Variants in EYS observed in about 807,000 individuals in gnomAD.
The protein encoded by EYS is protein eyes shut homolog.
In EYS, 250 loss-of-function variants were observed where a neutral mutation model predicts 282.1. The observed-to-expected ratio is 0.89, with a 90% confidence interval of 0.80 to 0.98. The LOEUF (loss-of-function observed/expected upper bound fraction) is 0.98. EYS is among the 50% of genes least tolerant of loss of function. EYS has a pLI of 0.00. For synonymous variants in EYS, 1,355 were observed against 1,282.9 expected (o/e 1.06, Z -1.20); for missense variants, 4,016 against 3,709.0 (o/e 1.08, Z -2.15).
At chr6:65,247,845 TA>T (rs1767219021) in intron 12 of EYS, among the ~76,000 whole-genome samples, 1 of 152,040 alleles carries the variant, frequency 6.6e-6, no homozygotes, top group Non-Finnish European at 1.5e-5. Context: ...GGAAAGAAAA[TA>T]ATTCAAAATA....
intron 40 of EYS, among the ~76,000 whole-genome samples, chr6:63,772,531 A>T (rs993590614): frequency 1.3e-5 from 2 of 152,126 alleles, no homozygotes; most frequent in African/African-American, 4.8e-5. Context: ...CACTAACATC[A>T]AGACTACAGG....
intron 16 of EYS, among the ~76,000 whole-genome samples, chr6:64,911,029 T>G (rs1199875315): frequency 6.6e-6 from 1 of 152,034 alleles, no homozygotes; most frequent in Non-Finnish European, 1.5e-5. Flanking sequence ...AATAATAATA[T>G]GTTTCTTACA....
At chr6:63,810,285 C>A (rs1235996917) in intron 36 of EYS, among the ~76,000 whole-genome samples, 21 of 146,812 alleles carry the variant, frequency 1.4e-4, no homozygotes, top group East Asian at 4.0e-4. Flanking sequence ...AACAAAAAAC[C>A]AAAACAAAGA....
At chr6:65,225,453 C>T (rs564716595) in intron 12 of EYS, among the ~76,000 whole-genome samples, 6 of 151,980 alleles carry the variant, frequency 3.9e-5, no homozygotes, top group Admixed American at 1.3e-4. Context: ...CGGTGGCTCA[C>T]GCCTGTAATC....
intron 26 of EYS, among the ~76,000 whole-genome samples, chr6:64,547,208 C>T (rs140065361): frequency 0.016 from 2,425 of 152,190 alleles, 61 homozygotes; most frequent in African/African-American, 0.057. Context: ...AACAAAGCTT[C>T]CACAGTGTGG....
At chr6:63,753,140 GTATATATATA>G (rs33925107) in intron 41 of EYS, among the ~76,000 whole-genome samples, 11,820 of 135,992 alleles carry the variant, frequency 0.087, 540 homozygotes, top group East Asian at 0.17. Flanking sequence ...GTGTGTGTGT[GTATATATATA>G]TATATATATA....
rs752962568 is a variant in EYS, at chr6:63,721,368, C to G, written c.8663G>C (p.Gly2888Ala). ...ACGYNTCRNG[G>A]ECTVNGTTFS... The stretch of plus-strand genomic sequence containing the variant: ...AGTTGTGCCATTTACTGTACATTCA[C>G]CTCCATTTCTGCATGTGTTGTACCC... The change falls in exon 43 of 43, where the codon GGT becomes GCT. Residue 2888 changes from glycine (G) to alanine (A), a missense_variant. Gly to Ala is a moderately conservative substitution (Grantham distance 60). Transcript: ENST00000503581. The G allele has an allele frequency of 1.0e-5, 16 of 1,551,844 alleles. No homozygotes were observed. In the South Asian group the frequency reaches 1.9e-4, roughly 18 times the overall value.
At chr6:64,558,615 GCCA>G (rs1400189528) in intron 26 of EYS, among the ~76,000 whole-genome samples, 1 of 151,976 alleles carries the variant, frequency 6.6e-6, no homozygotes, top group East Asian at 1.9e-4. Context: ...CCATCTCCAG[GCCA>G]GCTTTTATTG....
At chr6:65,504,920 T>C (rs4710525) in intron 2 of EYS, among the ~76,000 whole-genome samples, 28,685 of 151,652 alleles carry the variant, frequency 0.19, 3,006 homozygotes, top group East Asian at 0.31. Flanking sequence ...AATGCTAGCC[T>C]CAGGAAATGA....
At chr6:65,345,982 C>G (rs559516563) in intron 9 of EYS, among the ~76,000 whole-genome samples, 1 of 151,816 alleles carries the variant, frequency 6.6e-6, no homozygotes, top group Non-Finnish European at 1.5e-5. Flanking sequence ...TTAGCTGACA[C>G]TGAGAGTCTC....
rs111849552 is a variant in EYS, at chr6:64,141,955, C to T, written c.6425-59953G>A. On this transcript the variant is annotated intron_variant, in intron 31 of 42. Coordinates refer to ENST00000503581, the MANE Select transcript of EYS (RefSeq NM_001142800.2). ...TAATCCCATGTCAAAAGCCAGAATG[C>T]ATGTCAGTGAAACTACCAACCAAAG... Among the ~76,000 whole-genome samples the T allele has an allele frequency of 3.1e-3, 474 of 152,236 alleles. 2 individuals carry two copies. Among genetic ancestry groups the T allele is most frequent in the African/African-American group, 0.011 (458 of 41,550 alleles).
intron 26 of EYS, among the ~76,000 whole-genome samples, chr6:64,449,204 T>C (rs111908831): frequency 0.28 from 42,007 of 151,832 alleles, 5,906 homozygotes; most frequent in East Asian, 0.46. Context: ...AACTACGTGA[T>C]GAATGCACAA....
At chr6:64,023,805 T>TGCCGCGGTGTTTGCGGGCCAGC (rs1177599060) in intron 33 of EYS, among the ~76,000 whole-genome samples, 2 of 152,156 alleles carry the variant, frequency 1.3e-5, no homozygotes, top group African/African-American at 4.8e-5. Flanking sequence ...ACTGGGGCTG[T>TGCCGCGGTGTTTGCGGGCCAGC]GCCGCGGTGT....
chr6:64,144,327 C>T (rs1774440482), intron 31 of EYS, among the ~76,000 whole-genome samples: 1 of 152,140 alleles, frequency 6.6e-6, no homozygotes, highest in Non-Finnish European at 1.5e-5. Context: ...TTAAGTTTCA[C>T]AAAGCCATGA....
At chr6:64,903,585 A>C (rs1767732866) in intron 16 of EYS, among the ~76,000 whole-genome samples, 1 of 152,090 alleles carries the variant, frequency 6.6e-6, no homozygotes, top group Non-Finnish European at 1.5e-5. Flanking sequence ...TTCAGTTTCA[A>C]ATCACTTGTA....
chr6:64,603,576 A>G (rs1766828316), intron 24 of EYS, among the ~76,000 whole-genome samples: 1 of 151,972 alleles, frequency 6.6e-6, no homozygotes, highest in Non-Finnish European at 1.5e-5. Context: ...AAAATCTTAT[A>G]CAGCCTCATA....
intron 12 of EYS, among the ~76,000 whole-genome samples, chr6:65,218,762 A>G (rs1353129360): frequency 6.6e-6 from 1 of 152,174 alleles, no homozygotes; most frequent in African/African-American, 2.4e-5. Flanking sequence ...TATGTGTCAT[A>G]TAAACAATGA....
At chr6:64,801,359 A>C (rs986974009) in intron 22 of EYS, among the ~76,000 whole-genome samples, 1 of 152,192 alleles carries the variant, frequency 6.6e-6, no homozygotes, top group Admixed American at 6.5e-5. Context: ...TATCATTCTA[A>C]GAATTGCTAA....
chr6:64,541,833 G>T (rs1415837922), intron 26 of EYS, among the ~76,000 whole-genome samples: 1 of 152,120 alleles, frequency 6.6e-6, no homozygotes, highest in Non-Finnish European at 1.5e-5. Context: ...TAATACAATG[G>T]AAGTGTTTTG....
Sources: gnomAD v4.1 joint callset for allele counts (sites outside exome capture counted in the v4.1 genomes callset) on GRCh38, gnomAD v4.1.1 for gene constraint, MANE v1.5 for transcripts, NCBI Gene and HGNC (gene_info 2026-07-23, HGNC 2026-07-21) for gene names.